Variants in INHBB observed in about 807,000 individuals in gnomAD.
INHBB encodes the protein inhibin subunit beta B.
INHBB carries 8 observed loss-of-function variants against 28.9 expected under a neutral mutation model. The ratio of observed to expected loss-of-function variants is 0.28; its 90% CI spans 0.16 to 0.50. The LOEUF (loss-of-function observed/expected upper bound fraction) is 0.50, where lower values mean the gene tolerates loss of function less well. INHBB is among the 20% of genes least tolerant of loss of function. The pLI is 0.98. For missense variants in INHBB, 499 were observed against 597.8 expected (o/e 0.83, Z 1.72); for synonymous variants, 293 against 262.7 (o/e 1.12, Z -1.12).
chr2:120,346,689 C>A (rs897969793), intron 1 of INHBB, 53 bp downstream of exon 1: 24 of 1,370,096 alleles, frequency 1.8e-5, no homozygotes, highest in Non-Finnish European at 2.3e-5. Flanking sequence ...TCCCGCTCTC[C>A]CTCTCCTTGC....
chr2:120,349,710 G>C lies in INHBB; in HGVS notation c.1060G>C (p.Val354Leu), dbSNP rs375362335. 1.2e-6 allele frequency: 2 copies of C among 1,613,720 alleles called. No individual in the cohort carries two copies. Among genetic ancestry groups the C allele is most frequent in the East Asian group, 2.2e-5 (1 of 44,892 alleles). The stretch of plus-strand genomic sequence containing the variant: ...CTCTGCCTCCTCCTTCCACACGGCT[G>C]TGGTGAACCAGTACCGCATGCGGGG... Reference protein sequence around the residue: ...PGSASSFHTAVVNQYRMRGLN... With the variant: ...PGSASSFHTALVNQYRMRGLN... Residue 354 changes from valine (V) to leucine (L), a missense_variant, in exon 2 of 2, where the codon GTG becomes CTG. Val to Leu is a conservative substitution (Grantham distance 32, BLOSUM62 1). This residue lies in a region of INHBB where 114 missense variants were observed against 182.6 expected (regional missense o/e 0.62). Coordinates refer to ENST00000295228, the MANE Select transcript of INHBB (RefSeq NM_002193.4). This position sits in a 1 kb window ranked among gnomAD's most constrained non-coding sequence, Gnocchi z 5.6.
In INHBB at chr2:120,350,101, C is replaced by T. The variant is rs752597242; in HGVS notation, c.*227C>T. On this transcript the variant is annotated 3_prime_UTR_variant, in exon 2 of 2. Transcript: ENST00000295228. ...CTGACATGAAATACTTTAAAATGCA[C>T]ACGTAGCCACGCACAGCCAGACGCA... is the stretch of plus-strand genomic sequence containing the variant. The T allele has an allele frequency of 1.8e-6, 1 of 545,294 alleles. No homozygotes were observed. The highest frequency in any genetic ancestry group is 3.1e-5 in the East Asian group (1 of 32,764). 33.8% of individuals were successfully genotyped at this position (545,294 alleles called of 1,614,324 possible).
chr2:120,349,735 G>GAC lies in INHBB; in HGVS notation c.1085_1086insAC (p.Asn364Ter). The GAC allele has an allele frequency of 6.2e-7, 1 of 1,613,742 alleles. No individual in the cohort carries two copies. ...GTGGTGAACCAGTACCGCATGCGGGGTCTGAACCCCGGCACGGTGAACTCC... is the reference window on the plus strand; with the variant it reads ...GTGGTGAACCAGTACCGCATGCGGGGACTCTGAACCCCGGCACGGTGAACTCC... On this transcript the variant is annotated frameshift_variant, in exon 2 of 2. Transcript: ENST00000295228. LOFTEE classifies it high-confidence loss of function. This position sits in a 1 kb window ranked among gnomAD's most constrained non-coding sequence, Gnocchi z 5.6.
Position 120,350,091 on chromosome 2 carries a change from T to G in INHBB, c.*217T>G, listed in dbSNP as rs768242355. The G allele has an allele frequency of 7.1e-6, 4 of 566,768 alleles. No homozygotes were observed. The highest frequency in any genetic ancestry group is 3.1e-6 in the Non-Finnish European group (1 of 323,054). The allele number at this position is 566,768 out of a possible 1,614,324, so 35.1% of individuals were successfully genotyped here. A position where few individuals can be genotyped will look rare whatever the true frequency, so the allele number is the denominator to read the frequency against. On this transcript the variant is annotated 3_prime_UTR_variant, in exon 2 of 2. Transcript: ENST00000295228. ...GAACCCTCAACTGACATGAAATACT[T>G]TAAAATGCACACGTAGCCACGCACA... is the stretch of plus-strand genomic sequence containing the variant.
At chr2:120,347,053 C>G (rs1374543401) in intron 1 of INHBB, among the ~76,000 whole-genome samples, 1 of 152,178 alleles carries the variant, frequency 6.6e-6, no homozygotes, top group East Asian at 1.9e-4. Context: ...TGTTGATATA[C>G]GTGGGCCGGA....
Position 120,349,203 on chromosome 2 carries a change from C to T in INHBB, c.553C>T (p.Leu185=). 1.2e-6 allele frequency: 2 copies of T among 1,614,210 alleles called. No homozygotes were observed. Among genetic ancestry groups the T allele is most frequent in the Non-Finnish European group, 1.7e-6 (2 of 1,180,050 alleles). ...CAGCCTGTGGCTTTACCTGAAACTC[C>T]TGCCCTACGTCCTGGAGAAGGGCAG... ...QASLWLYLKL[L]PYVLEKGSRR... Residue 185 remains leucine, a synonymous_variant, in exon 2 of 2, where the codon CTG becomes TTG. Coordinates refer to ENST00000295228, the MANE Select transcript of INHBB (RefSeq NM_002193.4). This position sits in a 1 kb window ranked among gnomAD's most constrained non-coding sequence, Gnocchi z 5.6.
chr2:120,348,222 G>GAAAAAAAA (rs71396084), intron 1 of INHBB, among the ~76,000 whole-genome samples: 1 of 77,836 alleles, frequency 1.3e-5, no homozygotes, highest in African/African-American at 5.7e-5. Flanking sequence ...TGTTCTTCCT[G>GAAAAAAAA]AAAAAAAAAA....
chr2:120,351,301 T>G lies in INHBB; in HGVS notation c.*1427T>G, dbSNP rs1196294749. On this transcript the variant is annotated 3_prime_UTR_variant, in exon 2 of 2. Transcript: ENST00000295228. ...TATACTTGAAATGAAATCCTTTGCTTCTTTTTTAAGCGAATGATTGCTTTT... is the reference window on the plus strand; with the variant it reads ...TATACTTGAAATGAAATCCTTTGCTGCTTTTTTAAGCGAATGATTGCTTTT... 1.3e-5 allele frequency: 2 copies of G among 152,342 alleles called. No individual in the cohort carries two copies. Among genetic ancestry groups the G allele is most frequent in the African/African-American group, 2.4e-5 (1 of 41,444 alleles). The allele number at this position is 152,342 out of a possible 1,614,324, so 9.4% of individuals were successfully genotyped here.
rs1691151958 is a variant in INHBB at position 120,346,347 on chromosome 2, C to T, written c.159C>T (p.Asp53=). 3 of 1,427,394 alleles carry T rather than the reference C, an allele frequency of 2.1e-6. No homozygotes were observed. Among genetic ancestry groups the T allele is most frequent in the Non-Finnish European group, 2.7e-6 (3 of 1,097,610 alleles). 88.4% of individuals were successfully genotyped at this position (1,427,394 alleles called of 1,614,324 possible). A position where few individuals can be genotyped will look rare whatever the true frequency, so the allele number is the denominator to read the frequency against. ...CCGGATCCCCGGGTGGCTCGCAGGA[C>T]ACCTGTACGTCGTGCGGCGGCTTCC... ...PPPGSPGGSQ[D]TCTSCGGFRR... The change falls in exon 1 of 2, where the codon GAC becomes GAT. Residue 53 remains aspartate (D), a synonymous_variant. Transcript: ENST00000295228.
rs202216864 is a variant in INHBB, at chr2:120,349,370, G to A, written c.720G>A (p.Glu240=). 2.3e-4 allele frequency: 364 copies of A among 1,614,006 alleles called. 2 individuals are homozygous for A. The highest frequency in any genetic ancestry group is 1.8e-3 in the East Asian group (82 of 44,878). The change falls in exon 2 of 2, where the codon GAG becomes GAA. Residue 240 remains glutamate (E), a synonymous_variant. Coordinates refer to ENST00000295228, the MANE Select transcript of INHBB (RefSeq NM_002193.4). The surrounding 1 kb of genome is among the most constrained non-coding windows in gnomAD (Gnocchi z 5.6). ...PLTEAIQALF[E]RGERRLNLDV... ...CGGAGGCCATCCAGGCCTTGTTTGA[G>A]CGGGGCGAGCGGCGACTCAACCTAG...
rs1292836124 is a variant in INHBB, at chr2:120,350,521, A to G, written c.*647A>G. On this transcript the variant is annotated 3_prime_UTR_variant, in exon 2 of 2. Coordinates refer to ENST00000295228, the MANE Select transcript of INHBB (RefSeq NM_002193.4). Reference sequence around the variant, plus strand: ...CGAGGGAAAGAGACCCAGAAAGGACACAACCCGTCAGAGACCTGGGAGCAG... The same window carrying G: ...CGAGGGAAAGAGACCCAGAAAGGACGCAACCCGTCAGAGACCTGGGAGCAG... 1.3e-5 allele frequency: 2 copies of G among 152,430 alleles called. No homozygotes were observed. Among genetic ancestry groups the G allele is most frequent in the African/African-American group, 2.4e-5 (1 of 41,368 alleles). The allele number at this position is 152,430 out of a possible 1,614,324, so 9.4% of individuals were successfully genotyped here.
rs538498324 is a variant in INHBB, at chr2:120,349,170, G to A, written c.520G>A (p.Val174Ile). 3 of 1,614,116 alleles carry A rather than the reference G, an allele frequency of 1.9e-6. No individual in the cohort carries two copies. Among genetic ancestry groups the A allele is most frequent in the Non-Finnish European group, 2.5e-6 (3 of 1,180,030 alleles). Reference protein sequence around the residue: ...SNEGNQNLFVVQASLWLYLKL... With the variant: ...SNEGNQNLFVIQASLWLYLKL... ...CGAAGGCAACCAGAACCTGTTTGTG[G>A]TCCAGGCCAGCCTGTGGCTTTACCT... is the stretch of plus-strand genomic sequence containing the variant. The change falls in exon 2 of 2, where the codon GTC (valine) becomes ATC (isoleucine). Residue 174 changes from valine to isoleucine, a missense_variant. Val to Ile is a conservative substitution (Grantham distance 29, BLOSUM62 3). This residue lies in a region of INHBB where 385 missense variants were observed against 415.2 expected (regional missense o/e 0.93). Transcript: ENST00000295228. This position sits in a 1 kb window ranked among gnomAD's most constrained non-coding sequence, Gnocchi z 5.6.
In INHBB at chr2:120,349,731, C is replaced by G; in HGVS notation, c.1081C>G (p.Arg361Gly). 6.2e-7 allele frequency: 1 copy of G among 1,613,746 alleles called. No individual in the cohort carries two copies. ...HTAVVNQYRM[R>G]GLNPGTVNSC... ...GGCTGTGGTGAACCAGTACCGCATG[C>G]GGGGTCTGAACCCCGGCACGGTGAA... The change falls in exon 2 of 2, where the codon CGG (arginine) becomes GGG (glycine). Residue 361 changes from arginine to glycine, a missense_variant. By Grantham distance (125) the Arg-to-Gly change is moderately radical. Coordinates refer to ENST00000295228, the MANE Select transcript of INHBB (RefSeq NM_002193.4). This position sits in a 1 kb window ranked among gnomAD's most constrained non-coding sequence, Gnocchi z 5.6.
At chr2:120,348,656 CAAA>C (rs5833831) in intron 1 of INHBB, among the ~76,000 whole-genome samples, 11 of 74,430 alleles carry the variant, frequency 1.5e-4, no homozygotes, top group Non-Finnish European at 2.5e-4. Context: ...CTAAGTTAAC[CAAA>C]AAAAAAAAAA....
rs1348043349 is a variant in INHBB, at chr2:120,346,335, T to G, written c.147T>G (p.Gly49=). 7.3e-7 allele frequency: 1 copy of G among 1,371,982 alleles called. No individual in the cohort carries two copies. The highest frequency in any genetic ancestry group is 9.4e-7 in the Non-Finnish European group (1 of 1,067,022). 85.0% of individuals were successfully genotyped at this position (1,371,982 alleles called of 1,614,324 possible). The change falls in exon 1 of 2, where the codon GGT becomes GGG. Residue 49 remains glycine (G), a synonymous_variant. Transcript: ENST00000295228. ...PPPPPPPGSP[G]GSQDTCTSCG... ...CACCCCCGCCACCCGGATCCCCGGGTGGCTCGCAGGACACCTGTACGTCGT... is the reference window on the plus strand; with the variant it reads ...CACCCCCGCCACCCGGATCCCCGGGGGGCTCGCAGGACACCTGTACGTCGT...
rs1691236780 is a variant in INHBB at position 120,350,285 on chromosome 2, C to T, written c.*411C>T. The T allele has an allele frequency of 4.7e-6, 1 of 211,742 alleles. No homozygotes were observed. 13.1% of individuals were successfully genotyped at this position (211,742 alleles called of 1,614,324 possible). ...CTCTGAATTGCGCCTTCCGAGCACACATAAAAGCACAAAGACAGAGACGCA... is the reference window on the plus strand; with the variant it reads ...CTCTGAATTGCGCCTTCCGAGCACATATAAAAGCACAAAGACAGAGACGCA... On this transcript the variant is annotated 3_prime_UTR_variant, in exon 2 of 2. Transcript: ENST00000295228.
Position 120,349,245 on chromosome 2 carries a change from G to C in INHBB, c.595G>C (p.Val199Leu). Residue 199 changes from valine to leucine, a missense_variant, in exon 2 of 2, where the codon GTC becomes CTC. Physicochemically the swap from Val to Leu is conservative, Grantham distance 32. Around this residue, in one of 2 missense-constraint regions of INHBB, gnomAD observed 385 missense variants for 415.2 expected, o/e 0.93. Transcript: ENST00000295228. This position sits in a 1 kb window ranked among gnomAD's most constrained non-coding sequence, Gnocchi z 5.6. ...GAAGGGCAGCCGGCGGAAGGTGCGG[G>C]TCAAAGTGTACTTCCAGGAGCAGGG... is the stretch of plus-strand genomic sequence containing the variant. Reference protein sequence around the residue: ...LEKGSRRKVRVKVYFQEQGHG... With the variant: ...LEKGSRRKVRLKVYFQEQGHG... 1 of 1,614,194 alleles carries C rather than the reference G, an allele frequency of 6.2e-7. No homozygotes were observed.
Position 120,349,859 on chromosome 2 carries a change from G to C in INHBB, c.1209G>C (p.Glu403Asp). ...KRDVPNMIVE[E>D]CGCA ...ACGTGCCCAACATGATTGTGGAGGAGTGCGGCTGCGCCTGACAGTGCAAGG... is the reference window on the plus strand; with the variant it reads ...ACGTGCCCAACATGATTGTGGAGGACTGCGGCTGCGCCTGACAGTGCAAGG... Residue 403 changes from glutamate to aspartate, a missense_variant, in exon 2 of 2, where the codon GAG (glutamate) becomes GAC (aspartate). This residue lies in a region of INHBB where 114 missense variants were observed against 182.6 expected (regional missense o/e 0.62). Coordinates refer to ENST00000295228, the MANE Select transcript of INHBB (RefSeq NM_002193.4). The surrounding 1 kb of genome is among the most constrained non-coding windows in gnomAD (Gnocchi z 5.6). 1 of 1,610,524 alleles carries C rather than the reference G, an allele frequency of 6.2e-7. No homozygotes were observed.
intron 1 of INHBB, 147 bp from the exon 2 acceptor site, chr2:120,348,952 T>G (rs1691208778): frequency 1.1e-6 from 1 of 931,366 alleles, no homozygotes; most frequent in Admixed American, 3.0e-5. Flanking sequence ...TCAGAGGCCC[T>G]GGCCCCAAGA....
Sources: gnomAD v4.1 joint callset for allele counts (sites outside exome capture counted in the v4.1 genomes callset) on GRCh38, gnomAD v4.1.1 for gene constraint, gnomAD v4.1.1 regional missense constraint, Gnocchi (gnomAD v3.1) non-coding constraint, MANE v1.5 for transcripts, NCBI Gene and HGNC (gene_info 2026-07-23, HGNC 2026-07-21) for gene names.